ITPR2: variants seen among roughly 807,000 people sequenced by gnomAD.
The protein encoded by ITPR2 is inositol 1,4,5-trisphosphate receptor type 2.
Under a neutral mutation model 317.1 loss-of-function variants are expected in ITPR2, and 207 were observed. The ratio of observed to expected loss-of-function variants is 0.65; its 90% CI spans 0.58 to 0.73. The LOEUF is 0.73. Among genes scored for constraint, ITPR2 ranks in the 30% least tolerant of loss-of-function variants. The pLI is 0.00. For synonymous variants in ITPR2, 1,156 were observed against 1,149.1 expected, an observed-to-expected ratio of 1.01 and a Z score of -0.12; for missense variants, 2,613 against 3,284.0, an observed-to-expected ratio of 0.80 and a Z score of 4.99.
chr12:26,346,398 A>G (rs1334554883), intron 55 of ITPR2, among the ~76,000 whole-genome samples: 3 of 152,304 alleles, frequency 2.0e-5, no homozygotes, highest in African/African-American at 7.2e-5. Flanking sequence ...CGAGGTGGGC[A>G]GATCACCTGA....
At chr12:26,554,728 T>C (rs1425178143) in intron 36 of ITPR2, among the ~76,000 whole-genome samples, 2 of 152,110 alleles carry the variant, frequency 1.3e-5, no homozygotes, top group African/African-American at 2.4e-5. Context: ...CACTGACATA[T>C]ATTTATAGGA....
chr12:26,451,900 A>AT (rs1432988178), intron 45 of ITPR2, among the ~76,000 whole-genome samples: 1 of 152,228 alleles, frequency 6.6e-6, no homozygotes, highest in African/African-American at 2.4e-5. Context: ...TTGTACTACG[A>AT]TTTTATCATC....
intron 28 of ITPR2, among the ~76,000 whole-genome samples, chr12:26,601,863 G>A (rs915185983): frequency 6.6e-6 from 1 of 152,100 alleles, no homozygotes. Context: ...CAACAAATAG[G>A]AAGCAATGAG....
chr12:26,470,169 T>G (rs1942263951), intron 45 of ITPR2, among the ~76,000 whole-genome samples: 1 of 152,222 alleles, frequency 6.6e-6, no homozygotes, highest in African/African-American at 2.4e-5. Flanking sequence ...AGCACCCTCC[T>G]ATAATTCCTG....
chr12:26,456,759 A>G (rs1941896227), intron 45 of ITPR2, among the ~76,000 whole-genome samples: 1 of 151,946 alleles, frequency 6.6e-6, no homozygotes, highest in Non-Finnish European at 1.5e-5. Context: ...TGCAACCTCC[A>G]CCACCCGGGT....
chr12:26,395,129 C>T (rs1456181485), intron 54 of ITPR2, among the ~76,000 whole-genome samples: 1 of 151,818 alleles, frequency 6.6e-6, no homozygotes, highest in Non-Finnish European at 1.5e-5. Context: ...GCATACTTGG[C>T]AATAATCTAC....
rs530370997 is a variant in ITPR2, at chr12:26,605,103, A to T, written c.3463-2397T>A. Among the ~76,000 whole-genome samples the T allele has an allele frequency of 4.9e-3, 228 of 46,846 alleles. 5 individuals are homozygous for T. Among genetic ancestry groups the T allele is most frequent in the Non-Finnish European group, 8.2e-3 (186 of 22,742 alleles). The allele number at this position is 46,846 out of a possible 152,430, so 30.7% of individuals were successfully genotyped here. The stretch of plus-strand genomic sequence containing the variant: ...ACTCAGTCTCAAAAAAAAAAAAAAT[A>T]AAAATAAAAAATAAAAAATAAAAAT... On this transcript the variant is annotated intron_variant, in intron 26 of 56. Transcript: ENST00000381340.
In ITPR2 at chr12:26,644,477, A is replaced by G. The variant is rs1947065732; in HGVS notation, c.2740+9499T>C. Among the ~76,000 whole-genome samples the G allele has an allele frequency of 2.0e-5, 3 of 152,184 alleles. No homozygotes were observed. The South Asian group carries it at 6.2e-4, about 31-fold the overall frequency. On this transcript the variant is annotated intron_variant, in intron 21 of 56. Transcript: ENST00000381340. ...CACACTGCTAATAAAGACACACCCGATACTCGGTAACTTATAAAGGAAAGA... is the reference window on the plus strand; with the variant it reads ...CACACTGCTAATAAAGACACACCCGGTACTCGGTAACTTATAAAGGAAAGA...
chr12:26,438,289 A>T (rs117514805), intron 47 of ITPR2, among the ~76,000 whole-genome samples: 6,909 of 152,212 alleles, frequency 0.045, 215 homozygotes, highest in South Asian at 0.14. Flanking sequence ...ATATCTAAAG[A>T]TGATATTTCT....
intron 32 of ITPR2, among the ~76,000 whole-genome samples, chr12:26,581,428 T>C (rs1440211741): frequency 6.6e-6 from 1 of 152,216 alleles, no homozygotes; most frequent in Non-Finnish European, 1.5e-5. Context: ...TTAGGGTATC[T>C]AATTTCATAG....
chr12:26,801,761 G>C (rs1950559109), intron 1 of ITPR2, among the ~76,000 whole-genome samples: 1 of 152,126 alleles, frequency 6.6e-6, no homozygotes, highest in Non-Finnish European at 1.5e-5. Flanking sequence ...TCAGACTGCA[G>C]ATGCCAGTTC....
intron 13 of ITPR2, among the ~76,000 whole-genome samples, chr12:26,671,268 T>G (rs1291361506): frequency 6.6e-6 from 1 of 151,814 alleles, no homozygotes; most frequent in Non-Finnish European, 1.5e-5. Context: ...AAAGTTGAAA[T>G]GAAGGAAAAA....
chr12:26,585,772 A>G lies in ITPR2; in HGVS notation c.4381-5617T>C, dbSNP rs537526901. Among the ~76,000 whole-genome samples the G allele has an allele frequency of 3.4e-4, 52 of 152,300 alleles. 1 individual carries two copies. In the South Asian group the frequency reaches 0.011, roughly 31 times the overall value. ...AGGGTAAATTACTTGACACATTAGAAAAGTATGAAGGGTTTTTCTAAACGC... is the reference window on the plus strand; with the variant it reads ...AGGGTAAATTACTTGACACATTAGAGAAGTATGAAGGGTTTTTCTAAACGC... On this transcript the variant is annotated intron_variant, in intron 32 of 56. Transcript: ENST00000381340.
intron 32 of ITPR2, 116 bp from the exon 33 acceptor site, chr12:26,580,271 T>C (rs1309931548): frequency 2.2e-6 from 2 of 893,876 alleles, no homozygotes; most frequent in Non-Finnish European, 3.3e-6. Context: ...TCTTCTGCTT[T>C]TTAAAGTTGC....
intron 28 of ITPR2, among the ~76,000 whole-genome samples, chr12:26,600,499 C>A (rs944296763): frequency 4.0e-5 from 6 of 151,842 alleles, no homozygotes; most frequent in Admixed American, 3.3e-4. Context: ...CCCTATCTTT[C>A]TCTGTTTCTC....
rs1025486035 is a variant in ITPR2, at chr12:26,768,521, T to C, written c.163+21636A>G. Among the ~76,000 whole-genome samples, 67 of 125,120 alleles carry C rather than the reference T, an allele frequency of 5.4e-4. 1 individual carries two copies. The highest frequency in any genetic ancestry group is 8.2e-4 in the Non-Finnish European group (50 of 60,698). 82.1% of individuals were successfully genotyped at this position (125,120 alleles called of 152,430 possible). A position where few individuals can be genotyped will look rare whatever the true frequency, so the allele number is the denominator to read the frequency against. ...GAAAATTGAAATTCAGATCTAAAGGTATTAGTTAGTAAAGTAAGAGAATGT... is the reference window on the plus strand; with the variant it reads ...GAAAATTGAAATTCAGATCTAAAGGCATTAGTTAGTAAAGTAAGAGAATGT... On this transcript the variant is annotated intron_variant, in intron 2 of 56. Transcript: ENST00000381340.
chr12:26,467,014 A>T (rs1942184904), intron 45 of ITPR2, among the ~76,000 whole-genome samples: 1 of 152,230 alleles, frequency 6.6e-6, no homozygotes, highest in Non-Finnish European at 1.5e-5. Context: ...AAATAAAGTA[A>T]ATGAAGCAAT....
chr12:26,792,376 TA>T (rs1565770218), intron 1 of ITPR2, among the ~76,000 whole-genome samples: 1 of 151,524 alleles, frequency 6.6e-6, no homozygotes. Flanking sequence ...AACAGGATTT[TA>T]ATGGTAATTG....
At chr12:26,448,939 A>G (rs1033887265) in intron 45 of ITPR2, among the ~76,000 whole-genome samples, 5 of 152,178 alleles carry the variant, frequency 3.3e-5, no homozygotes, top group Non-Finnish European at 1.5e-5. Context: ...TGAAACCAAG[A>G]TTAGGGAATA....
Sources: allele counts gnomAD v4.1 joint callset (sites outside exome capture counted in the v4.1 genomes callset), GRCh38; gene constraint gnomAD v4.1.1; transcripts MANE v1.5; gene names NCBI Gene and HGNC (gene_info 2026-07-23, HGNC 2026-07-21).